The following MTA3 variants were observed in gnomAD, a reference collection of about 807,000 sequenced individuals.
MTA3 encodes metastasis-associated protein MTA3.
A neutral mutation model predicts 83.5 loss-of-function variants in MTA3; 34 were observed. The ratio of observed to expected loss-of-function variants is 0.41; its 90% CI spans 0.31 to 0.54. The LOEUF (loss-of-function observed/expected upper bound fraction) is 0.54, where lower values mean the gene tolerates loss of function less well. Among genes scored for constraint, MTA3 ranks in the 20% least tolerant of loss-of-function variants. The pLI, the probability that MTA3 is intolerant of heterozygous loss-of-function variation, is 0.33. For missense variants in MTA3, 761 were observed against 726.4 expected, an observed-to-expected ratio of 1.05 and a Z score of -0.55; for synonymous variants, 303 against 252.7, an observed-to-expected ratio of 1.20 and a Z score of -1.89.
At chr2:42,573,743 T>G (rs769259765) in intron 2 of MTA3, among the ~76,000 whole-genome samples, 9 of 152,136 alleles carry the variant, frequency 5.9e-5, no homozygotes, top group Non-Finnish European at 1.3e-4. Context: ...ACTCCTGACC[T>G]CAGGTGATCC....
intron 8 of MTA3, 87 bp from the exon 9 acceptor site, chr2:42,682,314 C>T (rs1316474370): frequency 1.1e-6 from 1 of 903,940 alleles, no homozygotes; most frequent in Non-Finnish European, 1.6e-6. Context: ...TAATTAAGTA[C>T]ATCATATATT....
Position 42,695,802 on chromosome 2 carries a change from A to T in MTA3, c.929A>T (p.Tyr310Phe). The change falls in exon 10 of 17, where the codon TAT (tyrosine) becomes TTT (phenylalanine). Residue 310 changes from tyrosine (Y) to phenylalanine (F), a missense_variant. By Grantham distance (22) the Tyr-to-Phe change is conservative. Transcript: ENST00000405094. ...TCATTGACTAGCATCATTGAATATTATTACATGTGGAAAACTACTGACAGA... is the reference window on the plus strand; with the variant it reads ...TCATTGACTAGCATCATTGAATATTTTTACATGTGGAAAACTACTGACAGA... ...WKSLTSIIEY[Y>F]YMWKTTDRYV... 6.3e-7 allele frequency: 1 copy of T among 1,582,718 alleles called. No homozygotes were observed. Among genetic ancestry groups the T allele is most frequent in the Non-Finnish European group, 8.6e-7 (1 of 1,165,614 alleles).
At chr2:42,689,651 T>G (rs2104454795) in intron 9 of MTA3, among the ~76,000 whole-genome samples, 2 of 152,298 alleles carry the variant, frequency 1.3e-5, no homozygotes, top group Middle Eastern at 3.4e-3. Flanking sequence ...AGTTGTCTAG[T>G]TTACTATTAT....
chr2:42,748,297 C>T (rs537177884), intron 16 of MTA3, among the ~76,000 whole-genome samples: 10 of 151,894 alleles, frequency 6.6e-5, no homozygotes, highest in African/African-American at 2.2e-4. Context: ...ATCTCCTGAC[C>T]TCATGATCCG....
At chr2:42,700,596 G>T (rs1259688533) in intron 11 of MTA3, among the ~76,000 whole-genome samples, 1 of 152,048 alleles carries the variant, frequency 6.6e-6, no homozygotes, top group Non-Finnish European at 1.5e-5. Context: ...TTAGCCCTGG[G>T]TTAAATATCA....
chr2:42,615,311 C>G (rs1251234439), intron 4 of MTA3, among the ~76,000 whole-genome samples: 2 of 149,864 alleles, frequency 1.3e-5, no homozygotes, highest in Non-Finnish European at 3.0e-5. Context: ...AATAGCCATT[C>G]AGGATTTGAA....
At chr2:42,553,661 G>A (rs1437562278) in intron 2 of MTA3, among the ~76,000 whole-genome samples, 1 of 151,354 alleles carries the variant, frequency 6.6e-6, no homozygotes, top group Admixed American at 6.6e-5. Context: ...CTTGAACCCA[G>A]GAGGTAGAGG....
At chr2:42,509,662 T>C (rs917406168) in intron 2 of MTA3, among the ~76,000 whole-genome samples, 4 of 151,888 alleles carry the variant, frequency 2.6e-5, no homozygotes, top group Admixed American at 2.6e-4. Context: ...TCCCGGCTAC[T>C]TGGGAGGCTG....
intron 16 of MTA3, among the ~76,000 whole-genome samples, chr2:42,723,697 T>A (rs1285782832): frequency 6.6e-6 from 1 of 152,216 alleles, no homozygotes; most frequent in East Asian, 1.9e-4. Flanking sequence ...CAGTATATGT[T>A]CTTCATTTCA....
intron 4 of MTA3, among the ~76,000 whole-genome samples, chr2:42,626,201 C>CCAAA (rs1686071412): frequency 6.6e-6 from 1 of 150,656 alleles, no homozygotes; most frequent in South Asian, 2.1e-4. Context: ...CCTCGGCCTC[C>CCAAA]CAAAGTGCTG....
intron 6 of MTA3, among the ~76,000 whole-genome samples, chr2:42,649,443 C>G (rs141277833): frequency 6.6e-6 from 1 of 151,750 alleles, no homozygotes; most frequent in African/African-American, 2.4e-5. Flanking sequence ...TCACCAGTCA[C>G]ACTCTTTGAG....
In MTA3 at chr2:42,659,799, C is replaced by T; in HGVS notation, c.639C>T (p.Ser213=). 1 of 1,608,350 alleles carries T rather than the reference C, an allele frequency of 6.2e-7. No individual in the cohort carries two copies. The highest frequency in any genetic ancestry group is 2.3e-5 in the East Asian group (1 of 44,436). Residue 213 remains serine, a synonymous_variant, in exon 8 of 17, where the codon AGC becomes AGT. Coordinates refer to ENST00000405094, the MANE Select transcript of MTA3 (RefSeq NM_001330442.2). ...CATTCGCCAGAGCCCTGGATTGCAG[C>T]AGTTCTGTGAGGCAGCCTAGTTTGC... ...VGTFARALDC[S]SSVRQPSLHM... is the part of the protein sequence containing the mutation.
chr2:42,513,307 C>G (rs1409923483), intron 2 of MTA3, among the ~76,000 whole-genome samples: 1 of 152,224 alleles, frequency 6.6e-6, no homozygotes, highest in Non-Finnish European at 1.5e-5. Flanking sequence ...ATACTGGTCC[C>G]TGTTCAGGTT....
chr2:42,641,062 A>G (rs901301600), intron 5 of MTA3, among the ~76,000 whole-genome samples: 4 of 152,086 alleles, frequency 2.6e-5, no homozygotes, highest in African/African-American at 7.2e-5. Flanking sequence ...GCCTGCCACC[A>G]TACCCGGCTA....
chr2:42,692,420 CTTTTTTT>C (rs796332869), intron 9 of MTA3, among the ~76,000 whole-genome samples: 1 of 130,596 alleles, frequency 7.7e-6, no homozygotes, highest in Non-Finnish European at 1.7e-5. Context: ...ATCTTGAATT[CTTTTTTT>C]TTTTTTTTTT....
At chr2:42,706,984 C>G (rs1319068730) in intron 12 of MTA3, among the ~76,000 whole-genome samples, 1 of 151,916 alleles carries the variant, frequency 6.6e-6, no homozygotes, top group Non-Finnish European at 1.5e-5. Flanking sequence ...CTCCCCAGCC[C>G]CCTCCTCCTC....
At chr2:42,621,796 CG>C (rs1257733944) in intron 4 of MTA3, among the ~76,000 whole-genome samples, 1 of 150,554 alleles carries the variant, frequency 6.6e-6, no homozygotes, top group African/African-American at 2.5e-5. Flanking sequence ...TGGGCAGAGA[CG>C]CTCCTCACCT....
chr2:42,615,588 T>C (rs1684767437), intron 4 of MTA3, among the ~76,000 whole-genome samples: 1 of 151,942 alleles, frequency 6.6e-6, no homozygotes, highest in Admixed American at 6.6e-5. Flanking sequence ...TCTCATGACC[T>C]TGTGATCCGC....
intron 2 of MTA3, among the ~76,000 whole-genome samples, chr2:42,553,296 T>C (rs1013538881): frequency 8.6e-5 from 13 of 151,356 alleles, no homozygotes; most frequent in African/African-American, 2.7e-4. Context: ...TGGTGGCGGG[T>C]GCCTGTAGTC....
Sources: gnomAD v4.1 joint callset for allele counts (sites outside exome capture counted in the v4.1 genomes callset) on GRCh38, gnomAD v4.1.1 for gene constraint, MANE v1.5 for transcripts, NCBI Gene and HGNC (gene_info 2026-07-23, HGNC 2026-07-21) for gene names.